ADAMTSL1: variants seen among roughly 807,000 people sequenced by gnomAD.
ADAMTSL1 encodes the protein ADAMTS like 1.
In ADAMTSL1, 126 loss-of-function variants were observed where a neutral mutation model predicts 201.8. That is an observed-to-expected ratio of 0.62 (90% CI 0.54 to 0.72). The LOEUF (loss-of-function observed/expected upper bound fraction) is 0.72. Ranked by LOEUF, ADAMTSL1 falls within the 30% of genes least tolerant of loss-of-function variation. ADAMTSL1 has a pLI of 0.00. For missense variants in ADAMTSL1, 2,679 were observed against 2,277.8 expected, an observed-to-expected ratio of 1.18 and a Z score of -3.59; for synonymous variants, 1,121 against 903.4, an observed-to-expected ratio of 1.24 and a Z score of -4.32.
At chr9:18,080,186 C>G (rs1301581503) in intron 1 of ADAMTSL1, among the ~76,000 whole-genome samples, 1 of 152,160 alleles carries the variant, frequency 6.6e-6, no homozygotes, top group African/African-American at 2.4e-5. Flanking sequence ...GATGAGAGGA[C>G]TGAACCAGAA....
At chr9:18,280,873 CTTTTTTT>C (rs138455491) in intron 2 of ADAMTSL1, among the ~76,000 whole-genome samples, 1 of 131,848 alleles carries the variant, frequency 7.6e-6, no homozygotes, top group Non-Finnish European at 1.6e-5. Context: ...CTGCATTCCG[CTTTTTTT>C]TTTTTTTTTT....
At chr9:18,006,152 A>G (rs1819814368) in intron 1 of ADAMTSL1, among the ~76,000 whole-genome samples, 1 of 151,998 alleles carries the variant, frequency 6.6e-6, no homozygotes. Context: ...CCCAATTTCA[A>G]GCTACGAATG....
chr9:18,606,539 C>T (rs1381233450), intron 4 of ADAMTSL1, among the ~76,000 whole-genome samples: 2 of 152,158 alleles, frequency 1.3e-5, no homozygotes, highest in Non-Finnish European at 2.9e-5. Flanking sequence ...ACACTGTTTG[C>T]TTGAAAGTCC....
chr9:18,455,297 A>G (rs1343050583), intron 2 of ADAMTSL1, among the ~76,000 whole-genome samples: 1 of 152,228 alleles, frequency 6.6e-6, no homozygotes, highest in South Asian at 2.1e-4. Flanking sequence ...GATTGTATAC[A>G]GGTACAAATT....
chr9:18,183,806 C>G (rs961427686), intron 2 of ADAMTSL1, among the ~76,000 whole-genome samples: 11 of 152,184 alleles, frequency 7.2e-5, no homozygotes, highest in African/African-American at 2.4e-4. Context: ...TTGGACGTAA[C>G]TTTACTATTC....
At chr9:18,904,968 G>C (rs1446372352) in intron 26 of ADAMTSL1, among the ~76,000 whole-genome samples, 2 of 152,082 alleles carry the variant, frequency 1.3e-5, no homozygotes, top group East Asian at 3.9e-4. Context: ...CTAGAAAAAA[G>C]CCAATAAACA....
intron 2 of ADAMTSL1, among the ~76,000 whole-genome samples, chr9:18,228,523 G>A (rs1282321057): frequency 6.6e-6 from 1 of 152,102 alleles, no homozygotes; most frequent in Non-Finnish European, 1.5e-5. Flanking sequence ...TCAGCTCAAG[G>A]ATCCTCCTGC....
intron 2 of ADAMTSL1, among the ~76,000 whole-genome samples, chr9:18,216,520 G>A (rs1021216134): frequency 1.3e-5 from 2 of 152,128 alleles, no homozygotes; most frequent in Non-Finnish European, 2.9e-5. Context: ...CACAGTTTAG[G>A]AGGTTGGCAG....
chr9:18,369,275 G>C (rs551060702), intron 2 of ADAMTSL1, among the ~76,000 whole-genome samples: 1 of 152,198 alleles, frequency 6.6e-6, no homozygotes, highest in East Asian at 1.9e-4. Context: ...AAATTAATTA[G>C]CCTTACTAAA....
chr9:18,093,232 A>G (rs1312909908), intron 1 of ADAMTSL1, among the ~76,000 whole-genome samples: 1 of 152,236 alleles, frequency 6.6e-6, no homozygotes, highest in Non-Finnish European at 1.5e-5. Flanking sequence ...AAAAATCTGC[A>G]GTATTTTTCA....
intron 1 of ADAMTSL1, among the ~76,000 whole-genome samples, chr9:18,050,294 G>A (rs184304664): frequency 1.8e-4 from 28 of 152,114 alleles, no homozygotes; most frequent in African/African-American, 6.5e-4. Flanking sequence ...TGATAAATGG[G>A]TATTCCTTTC....
At chr9:18,790,430 C>T (rs1168846221) in intron 19 of ADAMTSL1, among the ~76,000 whole-genome samples, 2 of 152,140 alleles carry the variant, frequency 1.3e-5, no homozygotes, top group East Asian at 3.9e-4. Context: ...GCCAAAGATC[C>T]AGAGGACCCC....
chr9:18,713,186 A>G (rs1832717107), intron 14 of ADAMTSL1, among the ~76,000 whole-genome samples: 1 of 151,862 alleles, frequency 6.6e-6, no homozygotes, highest in African/African-American at 2.4e-5. Context: ...AAGAAACTGC[A>G]TCAACTAATG....
chr9:17,987,790 A>T (rs1818989216), intron 1 of ADAMTSL1, among the ~76,000 whole-genome samples: 1 of 151,978 alleles, frequency 6.6e-6, no homozygotes, highest in Non-Finnish European at 1.5e-5. Context: ...AGTTCCCTAA[A>T]TGTGTTGCTT....
At chr9:18,483,862 A>G (rs768084189) in intron 1 of ADAMTSL1, among the ~76,000 whole-genome samples, 27 of 152,154 alleles carry the variant, frequency 1.8e-4, no homozygotes, top group Non-Finnish European at 3.4e-4. Flanking sequence ...CAAAAAACTC[A>G]AAGATCATTG....
intron 2 of ADAMTSL1, among the ~76,000 whole-genome samples, chr9:18,371,504 G>A (rs1048510255): frequency 2.0e-4 from 31 of 152,152 alleles, no homozygotes; most frequent in African/African-American, 7.5e-4. Flanking sequence ...GGTTTACTGG[G>A]TATTTTTATT....
At chr9:18,361,848 C>T (rs1250120027) in intron 2 of ADAMTSL1, among the ~76,000 whole-genome samples, 5 of 152,136 alleles carry the variant, frequency 3.3e-5, no homozygotes, top group Non-Finnish European at 7.3e-5. Flanking sequence ...CAAGTTTTAG[C>T]CTGCATTACA....
chr9:18,585,968 C>T (rs958771017), intron 4 of ADAMTSL1, among the ~76,000 whole-genome samples: 1 of 152,118 alleles, frequency 6.6e-6, no homozygotes, highest in Non-Finnish European at 1.5e-5. Flanking sequence ...CTATGACAAG[C>T]CCACAGCCAA....
intron 2 of ADAMTSL1, among the ~76,000 whole-genome samples, chr9:18,531,749 A>G (rs552204142): frequency 6.6e-6 from 1 of 152,158 alleles, no homozygotes; most frequent in Non-Finnish European, 1.5e-5. Context: ...TGTATTCTTC[A>G]CAGTAATTTC....
Sources: gnomAD v4.1 joint callset for allele counts (sites outside exome capture counted in the v4.1 genomes callset) on GRCh38, gnomAD v4.1.1 for gene constraint, MANE v1.5 for transcripts, NCBI Gene and HGNC (gene_info 2026-07-23, HGNC 2026-07-21) for gene names.